Variants in ABR observed in about 807,000 individuals in gnomAD.
The protein encoded by ABR is active breakpoint cluster region-related protein.
In ABR, 35 loss-of-function variants were observed where a neutral mutation model predicts 107.2. That is an observed-to-expected ratio of 0.33 (90% CI 0.25 to 0.43). ABR has a LOEUF of 0.43. Among genes scored for constraint, ABR ranks in the 20% least tolerant of loss-of-function variants. The pLI is 1.00. For synonymous variants in ABR, 498 were observed against 462.0 expected, an observed-to-expected ratio of 1.08 and a Z score of -1.00; for missense variants, 815 against 1,115.2, an observed-to-expected ratio of 0.73 and a Z score of 3.83.
At chr17:1,060,796 G>T (rs531737485) in intron 10 of ABR, among the ~76,000 whole-genome samples, 9 of 152,102 alleles carry the variant, frequency 5.9e-5, no homozygotes, top group Non-Finnish European at 1.0e-4. Context: ...TTTGAGACCA[G>T]CCTGGCTAAC....
rs553764699 is a variant in ABR at position 1,105,909 on chromosome 17, A to C, written c.247-5174T>G. 2.6e-5 allele frequency among the ~76,000 whole-genome samples: 4 copies of C among 152,258 alleles called. No individual in the cohort carries two copies. In the South Asian group the frequency reaches 8.3e-4, roughly 32 times the overall value. ...GCACAGAATGATACCTAAAGGGTTA[A>C]TCTGCATTACAAAAGGGTTTTTATT... On this transcript the variant is annotated intron_variant, in intron 2 of 22. Transcript: ENST00000302538.
intron 16 of ABR, among the ~76,000 whole-genome samples, chr17:1,045,095 A>G (rs751692092): frequency 1.3e-5 from 2 of 152,270 alleles, no homozygotes; most frequent in Non-Finnish European, 2.9e-5. Flanking sequence ...AAGAAGGGAA[A>G]AGGCACAGAA....
exon 1 of ABR, chr17:1,229,033 G>T: frequency 6.6e-6 from 1 of 151,880 alleles, no homozygotes; most frequent in South Asian, 2.1e-4. Context: ...CGCCCCCCGG[G>T]GATCAGGTGC....
intron 6 of ABR, among the ~76,000 whole-genome samples, chr17:1,076,419 G>GA (rs549782467): frequency 3.0e-4 from 46 of 151,974 alleles, no homozygotes; most frequent in Non-Finnish European, 4.1e-4. Context: ...TCTTCAGGGG[G>GA]AAAAAATCAC....
chr17:1,143,854 T>C (rs1260916342), intron 1 of ABR, among the ~76,000 whole-genome samples: 5 of 152,116 alleles, frequency 3.3e-5, no homozygotes, highest in Non-Finnish European at 7.4e-5. Flanking sequence ...GAGAAGCGCA[T>C]GTGGCTTCAC....
chr17:1,078,629 G>A lies in ABR; in HGVS notation c.700+701C>T, dbSNP rs922431877. ...TTCCATTTGCAAGCGGCCCTGCTCTGAGCAGCCCCCAGGTTTCAACTCTAG... is the reference window on the plus strand; with the variant it reads ...TTCCATTTGCAAGCGGCCCTGCTCTAAGCAGCCCCCAGGTTTCAACTCTAG... On this transcript the variant is annotated intron_variant, in intron 6 of 22. Transcript: ENST00000302538. This position sits in a 1 kb window ranked among gnomAD's most constrained non-coding sequence, Gnocchi z 7.5. Among the ~76,000 whole-genome samples, 1 of 152,104 alleles carries A rather than the reference G, an allele frequency of 6.6e-6. No homozygotes were observed. The highest frequency in any genetic ancestry group is 2.4e-5 in the African/African-American group (1 of 41,424).
chr17:1,071,704 G>A lies in ABR; in HGVS notation c.894+910C>T, dbSNP rs575180861. Among the ~76,000 whole-genome samples the A allele has an allele frequency of 2.0e-5, 3 of 152,308 alleles. No individual in the cohort carries two copies. The highest frequency in any genetic ancestry group is 1.9e-4 in the East Asian group (1 of 5,188). Reference sequence around the variant, plus strand: ...GCAGCTCCAAGCTCCTGCTCCCTTCGCTTCCTAGGAGACCCTGACGGCATC... The same window carrying A: ...GCAGCTCCAAGCTCCTGCTCCCTTCACTTCCTAGGAGACCCTGACGGCATC... On this transcript the variant is annotated intron_variant, in intron 8 of 22. Coordinates refer to ENST00000302538, the MANE Select transcript of ABR (RefSeq NM_021962.5). The surrounding 1 kb of genome is among the most constrained non-coding windows in gnomAD (Gnocchi z 5.1).
chr17:1,140,258 G>A (rs2040236992), intron 1 of ABR, among the ~76,000 whole-genome samples: 2 of 152,234 alleles, frequency 1.3e-5, no homozygotes, highest in Admixed American at 1.3e-4. Context: ...CTGAGCGATG[G>A]ACAGGAAGGG....
intron 4 of ABR, 150 bp from the exon 5 acceptor site, chr17:1,083,777 A>G: frequency 1.5e-6 from 1 of 667,812 alleles, no homozygotes; most frequent in Non-Finnish European, 2.7e-6. Context: ...CGCAGGGATG[A>G]ACATATTACA....
intron 16 of ABR, among the ~76,000 whole-genome samples, chr17:1,036,063 A>G (rs962499146): frequency 6.6e-6 from 1 of 152,020 alleles, no homozygotes; most frequent in Non-Finnish European, 1.5e-5. Flanking sequence ...ACCAGGAGGA[A>G]GGTTCTGCCT....
upstream of ABR, chr17:1,182,360 TTCTG>T (rs759602284): frequency 2.7e-4 from 40 of 150,254 alleles, no homozygotes; most frequent in Non-Finnish European, 3.6e-4. Context: ...CATGCTCTTT[TTCTG>T]TTTGTTTGTT....
intron 2 of ABR, chr17:1,101,022 C>T: frequency 2.3e-6 from 1 of 432,444 alleles, no homozygotes; most frequent in East Asian, 4.5e-5. Flanking sequence ...TGGGGTTTCA[C>T]CATGTTGGCC....
At chr17:1,215,798 G>A (rs1273446380) in intron 1 of ABR, among the ~76,000 whole-genome samples, 5 of 152,110 alleles carry the variant, frequency 3.3e-5, no homozygotes, top group Admixed American at 6.6e-5. Flanking sequence ...AGAAAGAGGT[G>A]GACATAGGAG....
At chr17:1,229,451 C>A (rs2043294269) in exon 1 of ABR, among the ~76,000 whole-genome samples, 1 of 151,928 alleles carries the variant, frequency 6.6e-6, no homozygotes, top group Non-Finnish European at 1.5e-5. Flanking sequence ...CCAGCGCGGC[C>A]TGCGGGAGCG....
Position 1,109,205 on chromosome 17 carries a change from A to G in ABR, c.247-8470T>C, listed in dbSNP as rs1375821918. 2.4e-6 allele frequency: 3 copies of G among 1,226,246 alleles called. No homozygotes were observed. In the East Asian group the frequency reaches 9.4e-5, roughly 38 times the overall value. The allele number at this position is 1,226,246 out of a possible 1,614,324, so 76.0% of individuals were successfully genotyped here. A position where few individuals can be genotyped will look rare whatever the true frequency, so the allele number is the denominator to read the frequency against. The stretch of plus-strand genomic sequence containing the variant: ...CCCGGCCTGGGGCTCCCGACCCGGG[A>G]CTGCATCCCGGACCTAGTCCAGCCC... On this transcript the variant is annotated intron_variant, in intron 2 of 22. Transcript: ENST00000302538.
Position 1,070,965 on chromosome 17 carries a change from C to A in ABR, c.895-875G>T, listed in dbSNP as rs969349192. Among the ~76,000 whole-genome samples, 10 of 152,108 alleles carry A rather than the reference C, an allele frequency of 6.6e-5. No homozygotes were observed. The highest frequency in any genetic ancestry group is 2.4e-4 in the African/African-American group (10 of 41,410). On this transcript the variant is annotated intron_variant, in intron 8 of 22. Transcript: ENST00000302538. This position sits in a 1 kb window ranked among gnomAD's most constrained non-coding sequence, Gnocchi z 4.2. ...ATCACCTGAGGTCAGGAGTTTGAGA[C>A]CAGCCTGGCCAACGTGGCGAAACCC...
At chr17:1,129,280 G>A (rs1567804195) in intron 1 of ABR, among the ~76,000 whole-genome samples, 1 of 152,212 alleles carries the variant, frequency 6.6e-6, no homozygotes, top group Admixed American at 6.5e-5. Context: ...GCTCACGCCT[G>A]TAATCCCAGC....
rs567298232 is a variant in ABR, at chr17:1,012,174, G to C, written c.1962-189C>G. The C allele has an allele frequency of 2.0e-5, 18 of 909,114 alleles. 1 individual carries two copies. The South Asian group carries it at 2.5e-4, about 13-fold the overall frequency. 56.3% of individuals were successfully genotyped at this position (909,114 alleles called of 1,614,324 possible). A position where few individuals can be genotyped will look rare whatever the true frequency, so the allele number is the denominator to read the frequency against. ...CCAGCCAGCCCACCCGAGGCCTGCC[G>C]AAGGGGCATCGACGGACGTGGGCAG... On this transcript the variant is annotated intron_variant, in intron 18 of 22. Coordinates refer to ENST00000302538, the MANE Select transcript of ABR (RefSeq NM_021962.5).
At chr17:1,100,187 C>A (rs11871392) in intron 3 of ABR, among the ~76,000 whole-genome samples, 9,961 of 151,644 alleles carry the variant, frequency 0.066, 470 homozygotes, top group East Asian at 0.16. Context: ...TGACACGGGG[C>A]CTCAGGATGG....
Sources: gnomAD v4.1 joint callset for allele counts (sites outside exome capture counted in the v4.1 genomes callset) on GRCh38, gnomAD v4.1.1 for gene constraint, Gnocchi (gnomAD v3.1) non-coding constraint, MANE v1.5 for transcripts, NCBI Gene and HGNC (gene_info 2026-07-23, HGNC 2026-07-21) for gene names.